The following RHOQ variants were observed in gnomAD, a reference collection of about 807,000 sequenced individuals.
RHOQ encodes the protein rho-related GTP-binding protein RhoQ.
In RHOQ, 7 loss-of-function variants were observed where a neutral mutation model predicts 25.8. The ratio of observed to expected loss-of-function variants is 0.27; its 90% CI spans 0.15 to 0.51. RHOQ has a LOEUF of 0.51. Among genes scored for constraint, RHOQ ranks in the 20% least tolerant of loss-of-function variants. RHOQ has a pLI of 0.97. For missense variants in RHOQ, 165 were observed against 260.6 expected (o/e 0.63, Z 2.53); for synonymous variants, 97 against 98.6 (o/e 0.98, Z 0.10).
intron 2 of RHOQ, among the ~76,000 whole-genome samples, chr2:46,550,921 G>A (rs1002744833): frequency 6.6e-6 from 1 of 152,126 alleles, no homozygotes; most frequent in African/African-American, 2.4e-5. Flanking sequence ...ACACAACTGG[G>A]CAAGTTCATC....
At chr2:46,567,302 T>G (rs1346707311) in intron 2 of RHOQ, among the ~76,000 whole-genome samples, 2 of 152,190 alleles carry the variant, frequency 1.3e-5, no homozygotes, top group Non-Finnish European at 2.9e-5. Context: ...TATTTTTTAT[T>G]AGTGACTCAG....
intron 2 of RHOQ, chr2:46,568,580 A>G (rs965528158): frequency 2.6e-5 from 4 of 152,218 alleles, no homozygotes. Context: ...CATGTTTATG[A>G]ATGTCTAGCA....
intron 2 of RHOQ, among the ~76,000 whole-genome samples, chr2:46,567,242 T>G (rs1198440578): frequency 6.6e-6 from 1 of 152,150 alleles, no homozygotes. Flanking sequence ...CTGCACCTAT[T>G]AGGTAAAATG....
At chr2:46,549,312 G>A (rs1668167669) in intron 2 of RHOQ, among the ~76,000 whole-genome samples, 1 of 152,154 alleles carries the variant, frequency 6.6e-6, no homozygotes. Context: ...TGAAAAAGGT[G>A]GGAAGCATTG....
At chr2:46,577,396 C>CTTTTTTT (rs745605616) in intron 4 of RHOQ, among the ~76,000 whole-genome samples, 2 of 110,154 alleles carry the variant, frequency 1.8e-5, no homozygotes, top group African/African-American at 3.8e-5. Flanking sequence ...CATATATGGT[C>CTTTTTTT]TTTTTTTTTT....
At chr2:46,559,713 C>T (rs1349634031) in intron 2 of RHOQ, among the ~76,000 whole-genome samples, 1 of 152,224 alleles carries the variant, frequency 6.6e-6, no homozygotes, top group Non-Finnish European at 1.5e-5. Flanking sequence ...ACTTACCCCA[C>T]CCCCAGTTGA....
At chr2:46,573,391 A>G (rs1420742857) in intron 2 of RHOQ, among the ~76,000 whole-genome samples, 1 of 152,218 alleles carries the variant, frequency 6.6e-6, no homozygotes, top group Non-Finnish European at 1.5e-5. Flanking sequence ...CAGAGATGAC[A>G]GGCAGAAGGA....
intron 2 of RHOQ, among the ~76,000 whole-genome samples, chr2:46,546,745 T>C (rs1172710497): frequency 6.6e-6 from 1 of 151,832 alleles, no homozygotes; most frequent in East Asian, 1.9e-4. Context: ...AGCTGATACT[T>C]TGTGCATAGT....
chr2:46,553,380 G>A (rs534033532), intron 2 of RHOQ, among the ~76,000 whole-genome samples: 1 of 152,046 alleles, frequency 6.6e-6, no homozygotes, highest in Admixed American at 6.5e-5. Flanking sequence ...AACATTTGTG[G>A]GGCACATGAA....
chr2:46,571,008 C>T (rs563898923), intron 2 of RHOQ, among the ~76,000 whole-genome samples: 8 of 152,256 alleles, frequency 5.3e-5, no homozygotes, highest in South Asian at 2.1e-4. Flanking sequence ...TGATAAGTCT[C>T]CCGTTTTTCA....
intron 2 of RHOQ, among the ~76,000 whole-genome samples, chr2:46,545,308 A>G (rs1668010346): frequency 6.6e-6 from 1 of 152,224 alleles, no homozygotes; most frequent in Admixed American, 6.5e-5. Context: ...ATTGGTTGAA[A>G]AGAGGAAGCT....
rs753077469 is a variant in RHOQ at position 46,548,066 on chromosome 2, G to C, written c.201+4254G>C. Among the ~76,000 whole-genome samples the C allele has an allele frequency of 6.6e-6, 1 of 152,134 alleles. No individual in the cohort carries two copies. Among genetic ancestry groups the C allele is most frequent in the Non-Finnish European group, 1.5e-5 (1 of 68,036 alleles). ...TGGGATCCCTAGAGTTCCAGATTTA[G>C]CCACTGTCTCAGTGTGTGGAAGTCA... On this transcript the variant is annotated intron_variant, in intron 2 of 4. Transcript: ENST00000238738. This position sits in a 1 kb window ranked among gnomAD's most constrained non-coding sequence, Gnocchi z 5.2.
chr2:46,579,315 T>A (rs2104038168), intron 4 of RHOQ, among the ~76,000 whole-genome samples: 1 of 152,270 alleles, frequency 6.6e-6, no homozygotes, highest in Admixed American at 6.5e-5. Context: ...TGTGGATGTC[T>A]TCTTCTATAG....
rs1380789616 is a variant in RHOQ at position 46,548,113 on chromosome 2, T to C, written c.201+4301T>C. ...GTCAATTTGTGTGCTTTGGGATGTA[T>C]TGTTTCTATGTCTGTTAACTTAAAC... On this transcript the variant is annotated intron_variant, in intron 2 of 4. Transcript: ENST00000238738. This position sits in a 1 kb window ranked among gnomAD's most constrained non-coding sequence, Gnocchi z 5.2. 1.3e-5 allele frequency among the ~76,000 whole-genome samples: 2 copies of C among 152,214 alleles called. No individual in the cohort carries two copies. The highest frequency in any genetic ancestry group is 4.8e-5 in the African/African-American group (2 of 41,452).
At chr2:46,550,053 C>G (rs955039821) in intron 2 of RHOQ, among the ~76,000 whole-genome samples, 6 of 151,766 alleles carry the variant, frequency 4.0e-5, no homozygotes, top group Non-Finnish European at 8.8e-5. Flanking sequence ...ACAACAAGAC[C>G]CCCAATTCTA....
intron 2 of RHOQ, among the ~76,000 whole-genome samples, chr2:46,572,202 A>G (rs1246884883): frequency 7.2e-6 from 1 of 138,064 alleles, no homozygotes; most frequent in Non-Finnish European, 1.5e-5. Flanking sequence ...TCTTGAGCTC[A>G]ACTGATCCAC....
chr2:46,576,522 T>C lies in RHOQ; in HGVS notation c.367-39T>C, dbSNP rs1371258937. ...CATGCTTTGATTTTTCTTTAAAGAT[T>C]TGTAATATTATGGGACATTATTGAC... On this transcript the variant is annotated intron_variant, in intron 3 of 4. Transcript: ENST00000238738. The surrounding 1 kb of genome is among the most constrained non-coding windows in gnomAD (Gnocchi z 5.1). The C allele has an allele frequency of 2.2e-5, 28 of 1,255,718 alleles. No individual in the cohort carries two copies. The Admixed American group carries it at 3.7e-4, about 17-fold the overall frequency. 77.8% of individuals were successfully genotyped at this position (1,255,718 alleles called of 1,614,324 possible).
In RHOQ at chr2:46,566,030, GGA is replaced by G. The variant is rs1023633408; in HGVS notation, c.202-10048_202-10047del. Among the ~76,000 whole-genome samples, 4 of 152,114 alleles carry G rather than the reference GGA, an allele frequency of 2.6e-5. No individual in the cohort carries two copies. Among genetic ancestry groups the G allele is most frequent in the African/African-American group, 9.7e-5 (4 of 41,416 alleles). On this transcript the variant is annotated intron_variant, in intron 2 of 4. Transcript: ENST00000238738. The surrounding 1 kb of genome is among the most constrained non-coding windows in gnomAD (Gnocchi z 4.2). Reference sequence around the variant, plus strand: ...TAGGAGCTCCCAGGTGAAGAAATACGGAGAGAGAGAAGAAACAGGGAAACTCA... The same window carrying G: ...TAGGAGCTCCCAGGTGAAGAAATACGGAGAGAGAAGAAACAGGGAAACTCA...
At position 46,569,885 on chromosome 2, in the gene RHOQ, A is replaced by G. The variant is rs976470905; in HGVS notation, c.202-6202A>G. Among the ~76,000 whole-genome samples the G allele has an allele frequency of 1.3e-5, 2 of 152,206 alleles. No homozygotes were observed. The highest frequency in any genetic ancestry group is 2.4e-5 in the African/African-American group (1 of 41,456). The stretch of plus-strand genomic sequence containing the variant: ...AAAAACAGTGACCTCTTAAGAATTT[A>G]TAGCACCTAAAAAAACCTTTCTCTT... On this transcript the variant is annotated intron_variant, in intron 2 of 4. Transcript: ENST00000238738. The surrounding 1 kb of genome is among the most constrained non-coding windows in gnomAD (Gnocchi z 4.1).
Sources: gnomAD v4.1 joint callset for allele counts (sites outside exome capture counted in the v4.1 genomes callset) on GRCh38, gnomAD v4.1.1 for gene constraint, Gnocchi (gnomAD v3.1) non-coding constraint, MANE v1.5 for transcripts, NCBI Gene and HGNC (gene_info 2026-07-23, HGNC 2026-07-21) for gene names.